The following CHP2 variants were observed in gnomAD, a reference collection of about 807,000 sequenced individuals.
CHP2 encodes the protein calcineurin B homologous protein 2.
CHP2 carries 31 observed loss-of-function variants against 24.7 expected under a neutral mutation model. That is an observed-to-expected ratio of 1.26 (90% CI 0.94 to 1.69). CHP2 has a LOEUF of 1.69. Ranked by LOEUF, CHP2 falls within the 40% of genes most tolerant of loss-of-function variation. The pLI, the probability that CHP2 is intolerant of heterozygous loss-of-function variation, is 0.00. For synonymous variants in CHP2, 97 were observed against 99.1 expected (o/e 0.98, Z 0.13); for missense variants, 319 against 261.5 (o/e 1.22, Z -1.52).
In CHP2 at chr16:23,757,323, G is replaced by C. The variant is rs758048471; in HGVS notation, c.537G>C (p.Lys179Asn). 2 of 1,609,444 alleles carry C rather than the reference G, an allele frequency of 1.2e-6. No individual in the cohort carries two copies. Among genetic ancestry groups the C allele is most frequent in the African/African-American group, 1.3e-5 (1 of 74,820 alleles). The part of the protein sequence containing the change: ...DGAVSFVEFT[K>N]SLEKMDVEQK... ...CTGTGTCCTTCGTGGAGTTCACCAAGGTCAGAGTGCCCTTGGGGATTGGGG... is the reference window on the plus strand; with the variant it reads ...CTGTGTCCTTCGTGGAGTTCACCAACGTCAGAGTGCCCTTGGGGATTGGGG... Residue 179 changes from lysine to asparagine, a missense_variant and splice_region_variant, in exon 6 of 7, where the codon AAG becomes AAC. By Grantham distance (94) the Lys-to-Asn change is moderately conservative. Coordinates refer to ENST00000300113, the MANE Select transcript of CHP2 (RefSeq NM_022097.4).
chr16:23,757,678 C>A lies in CHP2; in HGVS notation c.*95C>A. On this transcript the variant is annotated 3_prime_UTR_variant, in exon 7 of 7. Coordinates refer to ENST00000300113, the MANE Select transcript of CHP2 (RefSeq NM_022097.4). ...CGCATGGACGCAGGGCGACAATAAA[C>A]TGTATTTTCGTTTCTAACTCTATTT... 1 of 1,109,016 alleles carries A rather than the reference C, an allele frequency of 9.0e-7. No individual in the cohort carries two copies. Among genetic ancestry groups the A allele is most frequent in the Non-Finnish European group, 1.4e-6 (1 of 719,786 alleles). The allele number at this position is 1,109,016 out of a possible 1,614,324, so 68.7% of individuals were successfully genotyped here.
rs151242735 is a variant in CHP2, at chr16:23,756,035, C to T, written c.222-28C>T. 3.3e-4 allele frequency: 530 copies of T among 1,613,772 alleles called. 4 individuals are homozygous for T. In the African/African-American group the frequency reaches 6.4e-3, roughly 19 times the overall value. ...AAGTGATGGCCAAGGTGACCACCAC[C>T]TCTTTCCATTCTGTCCCGTCTCCCC... On this transcript the variant is annotated intron_variant, in intron 3 of 6. Transcript: ENST00000300113.
intron 4 of CHP2, 62 bp from the exon 5 acceptor site, chr16:23,756,326 T>TCATA: frequency 1.9e-6 from 3 of 1,590,612 alleles, no homozygotes; most frequent in Non-Finnish European, 2.6e-6. Context: ...GGAAGGAAGG[T>TCATA]GGCTGCTGGA....
At chr16:23,755,763 G>T (rs1961213644) in intron 2 of CHP2, 30 bp downstream of exon 2, 2 of 1,613,572 alleles carry the variant, frequency 1.2e-6, no homozygotes, top group African/African-American at 2.7e-5. Context: ...ATAACTTCTG[G>T]CCTCTGTCTC....
At chr16:23,755,143 G>A (rs1428979142) in intron 1 of CHP2, 27 bp downstream of exon 1, 8 of 1,567,528 alleles carry the variant, frequency 5.1e-6, no homozygotes, top group Non-Finnish European at 6.1e-6. Flanking sequence ...CGGCGGCTGC[G>A]GAGGGGACGG....
At position 23,757,534 on chromosome 16, in the gene CHP2, T is replaced by C. The variant is rs547010910; in HGVS notation, c.542T>C (p.Leu181Ser). The C allele has an allele frequency of 6.7e-4, 1,088 of 1,613,986 alleles. 17 individuals are homozygous for C. The South Asian group carries it at 0.011, about 17-fold the overall frequency. The change falls in exon 7 of 7, where the codon TTA becomes TCA. Residue 181 changes from leucine (L) to serine (S), a missense_variant. Coordinates refer to ENST00000300113, the MANE Select transcript of CHP2 (RefSeq NM_022097.4). The stretch of plus-strand genomic sequence containing the variant: ...TGCCATTTGTTTTTCCCTCAGTCCT[T>C]AGAGAAGATGGACGTTGAGCAAAAA... The part of the protein sequence containing the change: ...AVSFVEFTKS[L>S]EKMDVEQKMS...
rs1181880021 is a variant in CHP2, at chr16:23,757,258, G to T, written c.472G>T (p.Asp158Tyr). 6.2e-7 allele frequency: 1 copy of T among 1,614,092 alleles called. No homozygotes were observed. The highest frequency in any genetic ancestry group is 8.5e-7 in the Non-Finnish European group (1 of 1,180,024). The part of the protein sequence containing the change: ...VTEEQLENIA[D>Y]RTVQEADEDG... ...AGAAGAGCAGCTGGAGAACATCGCT[G>T]ACCGCACGGTGCAGGAGGCTGATGA... The change falls in exon 6 of 7, where the codon GAC (aspartate) becomes TAC (tyrosine). Residue 158 changes from aspartate to tyrosine, a missense_variant. Asp to Tyr is a radical substitution (Grantham distance 160). Coordinates refer to ENST00000300113, the MANE Select transcript of CHP2 (RefSeq NM_022097.4).
chr16:23,757,356 A>G, intron 6 of CHP2, 33 bp downstream of exon 6: 1 of 1,598,892 alleles, frequency 6.3e-7, no homozygotes, highest in East Asian at 2.2e-5. Flanking sequence ...GGGAGTTGAG[A>G]TCAGGAGTTC....
intron 6 of CHP2, 32 bp from the exon 7 acceptor site, chr16:23,757,498 A>G (rs1961242852): frequency 1.2e-6 from 2 of 1,611,358 alleles, no homozygotes; most frequent in Non-Finnish European, 1.7e-6. Flanking sequence ...CTGAGAGTCA[A>G]GCCTCTTGCC....
At chr16:23,755,541 G>A in intron 1 of CHP2, 120 bp from the exon 2 acceptor site, 2 of 839,066 alleles carry the variant, frequency 2.4e-6, no homozygotes, top group East Asian at 2.5e-5. Context: ...GATTCCCCGG[G>A]ATGATCGCCC....
In CHP2 at chr16:23,756,452, T is replaced by G; in HGVS notation, c.414+3T>G. The G allele has an allele frequency of 6.2e-7, 1 of 1,613,274 alleles. No homozygotes were observed. Among genetic ancestry groups the G allele is most frequent in the Non-Finnish European group, 8.5e-7 (1 of 1,179,334 alleles). ...TCTCCAGGCATGAGATGCTGCAGGT[T>G]GGCAGAAAGCGAGAGCAAGAGATGT... On this transcript the variant is annotated splice_donor_region_variant and intron_variant, in intron 5 of 6. Transcript: ENST00000300113.
intron 5 of CHP2, 83 bp from the exon 6 acceptor site, chr16:23,757,118 G>A: frequency 1.0e-5 from 15 of 1,500,404 alleles, no homozygotes; most frequent in Non-Finnish European, 1.4e-5. Context: ...TAACTTTTGG[G>A]ATGAGGTGGG....
intron 1 of CHP2, 98 bp from the exon 2 acceptor site, chr16:23,755,563 C>A (rs1251606168): frequency 6.7e-6 from 7 of 1,037,534 alleles, no homozygotes; most frequent in Admixed American, 1.7e-5. Flanking sequence ...TTCCAGCCAG[C>A]CCCCGCTGTT....
In CHP2 at chr16:23,755,851, A is replaced by C. The variant is rs754678193; in HGVS notation, c.145A>C (p.Met49Leu). ...CTTTGAAATTTGGCTTTGCAGCCGCATGGATCTCCAGCAGATAGGGGCGCT... is the reference window on the plus strand; with the variant it reads ...CTTTGAAATTTGGCTTTGCAGCCGCCTGGATCTCCAGCAGATAGGGGCGCT... The part of the protein sequence containing the change: ...DRNKKGYLSR[M>L]DLQQIGALAV... The change falls in exon 3 of 7, where the codon ATG becomes CTG. Residue 49 changes from methionine to leucine, a missense_variant. Met to Leu is a conservative substitution (Grantham distance 15). Transcript: ENST00000300113. 6.2e-7 allele frequency: 1 copy of C among 1,614,152 alleles called. No individual in the cohort carries two copies. The highest frequency in any genetic ancestry group is 2.2e-5 in the East Asian group (1 of 44,874).
chr16:23,757,695 ACT>A lies in CHP2; in HGVS notation c.*115_*116del. The A allele has an allele frequency of 1.0e-6, 1 of 988,556 alleles. No individual in the cohort carries two copies. Among genetic ancestry groups the A allele is most frequent in the Non-Finnish European group, 1.6e-6 (1 of 612,388 alleles). The allele number at this position is 988,556 out of a possible 1,614,324, so 61.2% of individuals were successfully genotyped here. A position where few individuals can be genotyped will look rare whatever the true frequency, so the allele number is the denominator to read the frequency against. On this transcript the variant is annotated 3_prime_UTR_variant, in exon 7 of 7. Coordinates refer to ENST00000300113, the MANE Select transcript of CHP2 (RefSeq NM_022097.4). ...ACAATAAACTGTATTTTCGTTTCTA[ACT>A]CTATTTAGGGCCAAGAGAAGAAAGC... is the stretch of plus-strand genomic sequence containing the variant.
chr16:23,755,456 G>A (rs1047082303), intron 1 of CHP2: 3 of 605,220 alleles, frequency 5.0e-6, no homozygotes, highest in South Asian at 2.0e-5. Flanking sequence ...GGGAGGTTGC[G>A]AGCCGCCCGG....
chr16:23,755,139 C>T lies in CHP2; in HGVS notation c.67+23C>T. 1.9e-6 allele frequency: 3 copies of T among 1,580,416 alleles called. No individual in the cohort carries two copies. The South Asian group carries it at 3.3e-5, about 18-fold the overall frequency. Reference sequence around the variant, plus strand: ...GCTGTGAGTGCGCCCGCGTCGGCGGCTGCGGAGGGGACGGGGCGAACCCAG... The same window carrying T: ...GCTGTGAGTGCGCCCGCGTCGGCGGTTGCGGAGGGGACGGGGCGAACCCAG... On this transcript the variant is annotated intron_variant, in intron 1 of 6. Transcript: ENST00000300113.
intron 4 of CHP2, 75 bp downstream of exon 4, chr16:23,756,268 C>T (rs1172571380): frequency 1.7e-5 from 27 of 1,595,704 alleles, no homozygotes; most frequent in African/African-American, 2.7e-5. Flanking sequence ...GGATCTCCCA[C>T]TCCCTTCCTG....
Position 23,756,084 on chromosome 16 carries a change from A to G in CHP2, c.243A>G (p.Pro81=). Residue 81 remains proline, a synonymous_variant, in exon 4 of 7, where the codon CCA becomes CCG. Transcript: ENST00000300113. ...FPDGSQRVDF[P]GFVRVLAHFR... ...CCAGGAGCCAGCGAGTGGATTTCCC[A>G]GGCTTTGTCAGGGTCTTGGCTCATT... The G allele has an allele frequency of 1.2e-6, 2 of 1,614,078 alleles. No homozygotes were observed. Among genetic ancestry groups the G allele is most frequent in the Non-Finnish European group, 1.7e-6 (2 of 1,180,000 alleles).
Sources: allele counts gnomAD v4.1 joint callset, GRCh38; gene constraint gnomAD v4.1.1; transcripts MANE v1.5; gene names NCBI Gene and HGNC (gene_info 2026-07-23, HGNC 2026-07-21).